Variants in EIF3B observed in about 807,000 individuals in gnomAD.
EIF3B encodes eukaryotic translation initiation factor 3 subunit B.
A neutral mutation model predicts 104.6 loss-of-function variants in EIF3B; 10 were observed. The observed-to-expected ratio is 0.10, with a 90% CI of 0.06 to 0.16. The LOEUF (loss-of-function observed/expected upper bound fraction) is 0.16. EIF3B is among the 10% of genes least tolerant of loss of function. EIF3B has a pLI of 1.00. For synonymous variants in EIF3B, 542 were observed against 417.2 expected, an observed-to-expected ratio of 1.30 and a Z score of -3.65; for missense variants, 1,014 against 1,087.9, an observed-to-expected ratio of 0.93 and a Z score of 0.96.
At chr7:2,379,283 C>A (rs527350160) in intron 17 of EIF3B, 41 bp downstream of exon 17, 16 of 1,582,300 alleles carry the variant, frequency 1.0e-5, no homozygotes, top group Non-Finnish European at 1.3e-5. Context: ...CTGGCCCTTA[C>A]GCTGCCCCTG....
intron 2 of EIF3B, 129 bp from the exon 3 acceptor site, chr7:2,362,516 T>A: frequency 1.7e-6 from 2 of 1,187,562 alleles, no homozygotes; most frequent in Non-Finnish European, 2.4e-6. Context: ...TGCCTTAGGC[T>A]CGAGGCAGGA....
chr7:2,363,615 T>A lies in EIF3B; in HGVS notation c.871-17T>A. On this transcript the variant is annotated splice_polypyrimidine_tract_variant and intron_variant, in intron 4 of 18. Coordinates refer to ENST00000360876, the MANE Select transcript of EIF3B (RefSeq NM_001037283.2). ...TAAAATTAATGAAATGTTATATTCC[T>A]TGTCTTTGTTTTTAAGGGGAACTTA... The A allele has an allele frequency of 1.9e-6, 3 of 1,590,114 alleles. No homozygotes were observed. The highest frequency in any genetic ancestry group is 2.6e-6 in the Non-Finnish European group (3 of 1,171,266).
chr7:2,371,957 G>A (rs992285972), intron 11 of EIF3B, 108 bp downstream of exon 11: 1 of 876,110 alleles, frequency 1.1e-6, no homozygotes, highest in African/African-American at 1.6e-5. Flanking sequence ...AGTCAGGACT[G>A]TGAGCCCTCA....
chr7:2,374,617 GC>G lies in EIF3B; in HGVS notation c.1889+12del. 2 of 1,613,374 alleles carry G rather than the reference GC, an allele frequency of 1.2e-6. No individual in the cohort carries two copies. Among genetic ancestry groups the G allele is most frequent in the South Asian group, 2.2e-5 (2 of 91,066 alleles). ...GGCGGGCCTGAGGAGGTAGGTGTCT[GC>G]GCTCTGAGCCTGTCCGCCCTGTGAG... On this transcript the variant is annotated intron_variant, in intron 13 of 18. Transcript: ENST00000360876.
In EIF3B at chr7:2,380,228, C is replaced by T. The variant is rs568168204; in HGVS notation, c.*39C>T. 1.1e-3 allele frequency: 451 copies of T among 419,066 alleles called. 12 individuals are homozygous for T. Among genetic ancestry groups the T allele is most frequent in the South Asian group, 7.6e-3 (434 of 57,116 alleles). The allele number at this position is 419,066 out of a possible 1,614,324, so 26.0% of individuals were successfully genotyped here. A position where few individuals can be genotyped will look rare whatever the true frequency, so the allele number is the denominator to read the frequency against. On this transcript the variant is annotated 3_prime_UTR_variant, in exon 19 of 19. Coordinates refer to ENST00000360876, the MANE Select transcript of EIF3B (RefSeq NM_001037283.2). ...GGGGACGGACTCCGCCTGCTGTTCC[C>T]GCGCTGAGCTACAGGACTCCCGAGT...
At position 2,370,214 on chromosome 7, in the gene EIF3B, T is replaced by C. The variant is rs905134343; in HGVS notation, c.1614+532T>C. ...TGAGTTGGCTGGGTGTAGTGGCCCA[T>C]GCCTGTAATCCCAGCACTTTGGGAG... On this transcript the variant is annotated intron_variant, in intron 10 of 18. Transcript: ENST00000360876. Among the ~76,000 whole-genome samples, 7 of 152,134 alleles carry C rather than the reference T, an allele frequency of 4.6e-5. No individual in the cohort carries two copies. In the South Asian group the frequency reaches 6.2e-4, roughly 14 times the overall value.
chr7:2,375,312 C>A, intron 13 of EIF3B, 77 bp from the exon 14 acceptor site: 2 of 1,588,612 alleles, frequency 1.3e-6, no homozygotes, highest in African/African-American at 2.7e-5. Context: ...GGACCCCATG[C>A]CGCAGCACCT....
intron 13 of EIF3B, 161 bp from the exon 14 acceptor site, chr7:2,375,228 G>C (rs1780567936): frequency 1.3e-6 from 1 of 744,610 alleles, no homozygotes; most frequent in Non-Finnish European, 2.3e-6. Flanking sequence ...TCTGTGATTT[G>C]GTAAGTCTCA....
At position 2,366,377 on chromosome 7, in the gene EIF3B, C is replaced by G; in HGVS notation, c.1218C>G (p.Ile406Met). 3.1e-6 allele frequency: 5 copies of G among 1,614,010 alleles called. No homozygotes were observed. Among genetic ancestry groups the G allele is most frequent in the Non-Finnish European group, 4.2e-6 (5 of 1,179,978 alleles). The change falls in exon 7 of 19, where the codon ATC becomes ATG. Residue 406 changes from isoleucine (I) to methionine (M), a missense_variant. Physicochemically the swap from Ile to Met is conservative, Grantham distance 10 (BLOSUM62 1). Coordinates refer to ENST00000360876, the MANE Select transcript of EIF3B (RefSeq NM_001037283.2). ...AGGATGACCCTCAGGCCATAATCAT[C>G]TGGGACATCCTTACGGGGCACAAGA... Reference protein sequence around the residue: ...DTQDDPQAIIIWDILTGHKKR... With the variant: ...DTQDDPQAIIMWDILTGHKKR...
chr7:2,379,395 G>A lies in EIF3B; in HGVS notation c.2343G>A (p.Gly781=). The A allele has an allele frequency of 6.3e-7, 1 of 1,585,960 alleles. No homozygotes were observed. Among genetic ancestry groups the A allele is most frequent in the Non-Finnish European group, 8.6e-7 (1 of 1,165,352 alleles). ...QKNERLELRG[G]VDTDELDSNV... is the part of the protein sequence containing the mutation. ...GATCTGCGCCCTTTGTCCCCTCAGG[G>A]GTGGACACTGACGAGCTGGACAGCA... Residue 781 remains glycine, a splice_region_variant and synonymous_variant, in exon 18 of 19, where the codon GGG becomes GGA. Transcript: ENST00000360876.
At chr7:2,378,110 A>G in intron 15 of EIF3B, 1 of 37,766 alleles carries the variant, frequency 2.6e-5, no homozygotes. Context: ...GTCATGGAGG[A>G]AGGAGCAGGC....
At chr7:2,359,655 G>T (rs57886450) in intron 1 of EIF3B, among the ~76,000 whole-genome samples, 3,170 of 152,338 alleles carry the variant, frequency 0.021, 101 homozygotes, top group African/African-American at 0.073. Flanking sequence ...GATAGTGGGA[G>T]CCCTGCTTTG....
chr7:2,369,724 G>T, intron 10 of EIF3B, 42 bp downstream of exon 10: 2 of 1,535,516 alleles, frequency 1.3e-6, no homozygotes, highest in Non-Finnish European at 1.8e-6. Flanking sequence ...CTTATCCTGA[G>T]CTCTGAAGTG....
rs775132275 is a variant in EIF3B, at chr7:2,374,577, A to G, written c.1860A>G (p.Gly620=). 3.7e-6 allele frequency: 6 copies of G among 1,613,942 alleles called. No individual in the cohort carries two copies. Among genetic ancestry groups the G allele is most frequent in the Non-Finnish European group, 4.2e-6 (5 of 1,179,964 alleles). The change falls in exon 13 of 19, where the codon GGA becomes GGG. Residue 620 remains glycine (G), a synonymous_variant. Coordinates refer to ENST00000360876, the MANE Select transcript of EIF3B (RefSeq NM_001037283.2). ...QANTIFWSPQ[G]QFVVLAGLRS... ...ACACCATCTTCTGGAGCCCCCAAGGACAGTTCGTGGTGTTGGCGGGCCTGA... is the reference window on the plus strand; with the variant it reads ...ACACCATCTTCTGGAGCCCCCAAGGGCAGTTCGTGGTGTTGGCGGGCCTGA...
Position 2,375,465 on chromosome 7 carries a change from G to C in EIF3B, c.1966G>C (p.Asp656His), listed in dbSNP as rs1028013325. The C allele has an allele frequency of 6.2e-7, 1 of 1,614,092 alleles. No homozygotes were observed. The highest frequency in any genetic ancestry group is 1.3e-5 in the African/African-American group (1 of 74,930). The part of the protein sequence containing the change: ...MNIAEHYMAS[D>H]VEWDPTGRYV... The stretch of plus-strand genomic sequence containing the variant: ...CATCGCAGAGCACTACATGGCTTCC[G>C]ACGTCGAATGGGATCCTACTGGGCG... Residue 656 changes from aspartate to histidine, a missense_variant, in exon 14 of 19, where the codon GAC (aspartate) becomes CAC (histidine). Asp to His is a moderately conservative substitution (Grantham distance 81, BLOSUM62 -1). Coordinates refer to ENST00000360876, the MANE Select transcript of EIF3B (RefSeq NM_001037283.2).
At chr7:2,366,691 T>C in intron 8 of EIF3B, 100 bp downstream of exon 8, 1 of 1,370,750 alleles carries the variant, frequency 7.3e-7, no homozygotes, top group Non-Finnish European at 1.0e-6. Context: ...GGAGGAGGTT[T>C]CACAGATGCA....
At chr7:2,363,164 G>C (rs1317666080) in intron 4 of EIF3B, 37 bp downstream of exon 4, 2 of 1,605,598 alleles carry the variant, frequency 1.2e-6, no homozygotes, top group East Asian at 2.2e-5. Context: ...GTGGTTTAAA[G>C]AAATGCTGCT....
chr7:2,372,692 C>G lies in EIF3B; in HGVS notation c.1707C>G (p.Ala569=), dbSNP rs1780420217. The part of the protein sequence containing the change: ...VEMKETIIAF[A]WEPNGSKFAV... ...TTTTAGAAACCATCATAGCCTTTGCCTGGGAACCAAATGGAAGTAAGTTTG... is the reference window on the plus strand; with the variant it reads ...TTTTAGAAACCATCATAGCCTTTGCGTGGGAACCAAATGGAAGTAAGTTTG... Residue 569 remains alanine, a synonymous_variant, in exon 12 of 19, where the codon GCC becomes GCG. Transcript: ENST00000360876. The G allele has an allele frequency of 5.0e-6, 8 of 1,614,114 alleles. No individual in the cohort carries two copies. The highest frequency in any genetic ancestry group is 6.8e-6 in the Non-Finnish European group (8 of 1,179,976).
intron 2 of EIF3B, 31 bp downstream of exon 2, chr7:2,360,933 C>G: frequency 1.9e-6 from 3 of 1,547,246 alleles, no homozygotes; most frequent in Non-Finnish European, 2.7e-6. Context: ...GAAGTATCAT[C>G]TGTGTCTGGC....
Sources: allele counts gnomAD v4.1 joint callset (sites outside exome capture counted in the v4.1 genomes callset), GRCh38; gene constraint gnomAD v4.1.1; transcripts MANE v1.5; gene names NCBI Gene and HGNC (gene_info 2026-07-23, HGNC 2026-07-21).